The following KMT2C variants were observed in gnomAD, a reference collection of about 807,000 sequenced individuals.
The protein encoded by KMT2C is histone-lysine N-methyltransferase 2C.
Under a neutral mutation model 507.9 loss-of-function variants are expected in KMT2C, and 88 were observed. That is an observed-to-expected ratio of 0.17 (90% CI 0.15 to 0.21). The LOEUF is 0.21. KMT2C is among the 10% of genes least tolerant of loss of function. KMT2C has a pLI of 1.00. For synonymous variants in KMT2C, 2,049 were observed against 2,080.8 expected, an observed-to-expected ratio of 0.98 and a Z score of 0.42; for missense variants, 4,954 against 5,957.8, an observed-to-expected ratio of 0.83 and a Z score of 5.55.
chr7:152,252,856 A>C, intron 9 of KMT2C, 141 bp from the exon 10 acceptor site: 2 of 637,170 alleles, frequency 3.1e-6, no homozygotes, highest in Non-Finnish European at 5.2e-6. Context: ...TTTAGGGTAC[A>C]TGCTTTTTTT....
intron 3 of KMT2C, among the ~76,000 whole-genome samples, chr7:152,321,239 A>G (rs992858626): frequency 3.3e-5 from 5 of 151,014 alleles, no homozygotes; most frequent in Admixed American, 3.3e-4. Context: ...TCAAGAAAAT[A>G]AATAAATAAA....
chr7:152,183,823 G>A (rs748456852), intron 34 of KMT2C, among the ~76,000 whole-genome samples: 2 of 151,094 alleles, frequency 1.3e-5, no homozygotes, highest in Admixed American at 6.6e-5. Context: ...TTGAACTCAG[G>A]AGGCGGAGGT....
At chr7:152,244,115 C>T (rs1425426036) in intron 14 of KMT2C, among the ~76,000 whole-genome samples, 1 of 152,188 alleles carries the variant, frequency 6.6e-6, no homozygotes, top group Non-Finnish European at 1.5e-5. Flanking sequence ...AAAATTTCCA[C>T]TTTATTTTCC....
At chr7:152,426,961 T>C (rs2097824991) in intron 1 of KMT2C, among the ~76,000 whole-genome samples, 1 of 152,192 alleles carries the variant, frequency 6.6e-6, no homozygotes, top group African/African-American at 2.4e-5. Flanking sequence ...TTTTTCTTTT[T>C]TTAAATGCAT....
chr7:152,360,176 T>TA (rs1328772018), intron 1 of KMT2C, among the ~76,000 whole-genome samples: 6 of 150,936 alleles, frequency 4.0e-5, no homozygotes, highest in Admixed American at 1.3e-4. Context: ...CTTGTTCTCA[T>TA]AAAAAAGTTA....
intron 6 of KMT2C, among the ~76,000 whole-genome samples, chr7:152,288,907 G>T (rs1409834169): frequency 6.6e-6 from 1 of 151,512 alleles, no homozygotes; most frequent in Admixed American, 6.6e-5. Context: ...TAAAAGAACT[G>T]ACAACAAAGA....
Position 152,187,386 on chromosome 7 carries a change from T to C in KMT2C, c.4884A>G (p.Thr1628=), listed in dbSNP as rs2129124681. The C allele has an allele frequency of 6.2e-7, 1 of 1,614,114 alleles. No homozygotes were observed. Among genetic ancestry groups the C allele is most frequent in the Non-Finnish European group, 8.5e-7 (1 of 1,179,976 alleles). ...GCGTGCTTCTCTGGGCATTCGACAT[T>C]GTGTCATTTTCTCCTTCCACAGTGG... is the stretch of plus-strand genomic sequence containing the variant. ...SAPTVEGEND[T]MSNAQRSTLK... Residue 1628 remains threonine, a synonymous_variant, in exon 33 of 59, where the codon ACA becomes ACG. Coordinates refer to ENST00000262189, the MANE Select transcript of KMT2C (RefSeq NM_170606.3).
chr7:152,143,506 C>T (rs1481658697), intron 55 of KMT2C, among the ~76,000 whole-genome samples: 2 of 152,248 alleles, frequency 1.3e-5, no homozygotes, highest in African/African-American at 2.4e-5. Context: ...CGAACCTGCA[C>T]ATCCTAACAA....
At chr7:152,429,910 C>T (rs1031543141) in intron 1 of KMT2C, among the ~76,000 whole-genome samples, 4 of 152,050 alleles carry the variant, frequency 2.6e-5, no homozygotes, top group African/African-American at 7.2e-5. Context: ...GGCGTGGTGG[C>T]TCACGTCTGT....
chr7:152,235,504 A>T (rs1298656324), intron 16 of KMT2C, among the ~76,000 whole-genome samples: 2 of 152,128 alleles, frequency 1.3e-5, no homozygotes, highest in Non-Finnish European at 2.9e-5. Flanking sequence ...GCCTCATAAC[A>T]TGATAGTAAG....
chr7:152,328,537 C>T (rs572465173), intron 3 of KMT2C, among the ~76,000 whole-genome samples: 1 of 152,164 alleles, frequency 6.6e-6, no homozygotes, highest in African/African-American at 2.4e-5. Flanking sequence ...ACCTTGTAGA[C>T]ATGGTAAGTA....
intron 23 of KMT2C, among the ~76,000 whole-genome samples, chr7:152,213,807 T>C (rs565112510): frequency 5.1e-4 from 76 of 148,282 alleles, no homozygotes; most frequent in Non-Finnish European, 7.1e-4. Context: ...GGGGAAAATA[T>C]TGGCAAACCA....
At chr7:152,166,301 T>C (rs1190170020) in intron 42 of KMT2C, among the ~76,000 whole-genome samples, 1 of 151,978 alleles carries the variant, frequency 6.6e-6, no homozygotes, top group African/African-American at 2.4e-5. Flanking sequence ...TTTGTATTTT[T>C]AGTAGAGACG....
chr7:152,268,272 C>G (rs571307268), intron 7 of KMT2C, among the ~76,000 whole-genome samples: 1 of 151,160 alleles, frequency 6.6e-6, no homozygotes, highest in Non-Finnish European at 1.5e-5. Context: ...GAGTGAGACC[C>G]TGTCTCAAAA....
At chr7:152,425,322 T>A (rs1185748927) in intron 1 of KMT2C, among the ~76,000 whole-genome samples, 1 of 152,200 alleles carries the variant, frequency 6.6e-6, no homozygotes, top group East Asian at 1.9e-4. Context: ...ACACCAGTAA[T>A]CCCTGCACTT....
chr7:152,395,706 C>T (rs536807990), intron 1 of KMT2C, among the ~76,000 whole-genome samples: 1,591 of 152,180 alleles, frequency 0.01, 15 homozygotes, highest in Non-Finnish European at 0.016. Context: ...CAGGGTTTCA[C>T]CATGTTGGCC....
chr7:152,388,755 T>A (rs1421793317), intron 1 of KMT2C, among the ~76,000 whole-genome samples: 3 of 152,270 alleles, frequency 2.0e-5, no homozygotes, highest in Non-Finnish European at 4.4e-5. Context: ...TTAGACTTTT[T>A]TTTTTTTCCT....
At position 152,346,557 on chromosome 7, in the gene KMT2C, T is replaced by G. The variant is rs1470487395; in HGVS notation, c.250+12030A>C. 2.6e-5 allele frequency among the ~76,000 whole-genome samples: 4 copies of G among 152,244 alleles called. No homozygotes were observed. The East Asian group carries it at 7.7e-4, about 29-fold the overall frequency. ...TAAATGAAAATAAAAAGAAAATTTG[T>G]GAGATGCAGTGAAAGCAGTGCTTAG... On this transcript the variant is annotated intron_variant, in intron 2 of 58. Transcript: ENST00000262189.
intron 2 of KMT2C, among the ~76,000 whole-genome samples, chr7:152,341,989 C>A (rs2096999138): frequency 6.6e-6 from 1 of 152,120 alleles, no homozygotes; most frequent in African/African-American, 2.4e-5. Flanking sequence ...ATACTTAAAC[C>A]ATATGCAAAT....
Sources: allele counts gnomAD v4.1 joint callset (sites outside exome capture counted in the v4.1 genomes callset), GRCh38; gene constraint gnomAD v4.1.1; transcripts MANE v1.5; gene names NCBI Gene and HGNC (gene_info 2026-07-23, HGNC 2026-07-21).